NKAIN2: variants seen among roughly 807,000 people sequenced by gnomAD.
The protein encoded by NKAIN2 is sodium/potassium transporting ATPase interacting 2.
A neutral mutation model predicts 32.6 loss-of-function variants in NKAIN2; 14 were observed. That is an observed-to-expected ratio of 0.43 (90% CI 0.28 to 0.67). NKAIN2 has a LOEUF of 0.67. Ranked by LOEUF, NKAIN2 falls within the 30% of genes least tolerant of loss-of-function variation. The pLI, the probability that NKAIN2 is intolerant of heterozygous loss-of-function variation, is 0.17. For synonymous variants in NKAIN2, 80 were observed against 87.2 expected, an observed-to-expected ratio of 0.92 and a Z score of 0.46; for missense variants, 198 against 258.3, an observed-to-expected ratio of 0.77 and a Z score of 1.60.
intron 4 of NKAIN2, among the ~76,000 whole-genome samples, chr6:124,728,826 A>C (rs1220858130): frequency 1.3e-5 from 2 of 151,376 alleles, no homozygotes; most frequent in Non-Finnish European, 2.9e-5. Flanking sequence ...CTAATAAAGA[A>C]AAAAAGAGAG....
intron 1 of NKAIN2, among the ~76,000 whole-genome samples, chr6:123,831,607 A>C (rs1774380587): frequency 1.3e-5 from 2 of 151,772 alleles, no homozygotes; most frequent in Non-Finnish European, 2.9e-5. Flanking sequence ...TCTGCTGTTA[A>C]ATATGCATGT....
intron 3 of NKAIN2, among the ~76,000 whole-genome samples, chr6:124,500,589 G>C (rs1301416588): frequency 6.6e-6 from 1 of 152,056 alleles, no homozygotes; most frequent in Non-Finnish European, 1.5e-5. Flanking sequence ...GGGAGGCAGA[G>C]TTTGATGTGA....
chr6:124,764,690 TTATC>T (rs1374549343), intron 4 of NKAIN2, among the ~76,000 whole-genome samples: 1 of 152,194 alleles, frequency 6.6e-6, no homozygotes, highest in Non-Finnish European at 1.5e-5. Context: ...ATTTCTGTAT[TTATC>T]ATATTTCTTT....
chr6:124,721,762 G>T (rs995716408), intron 4 of NKAIN2, among the ~76,000 whole-genome samples: 1 of 152,076 alleles, frequency 6.6e-6, no homozygotes, highest in African/African-American at 2.4e-5. Context: ...ACCCATTGGT[G>T]CCTCAATGTA....
chr6:124,051,560 G>C (rs1782400294), intron 1 of NKAIN2, among the ~76,000 whole-genome samples: 2 of 151,906 alleles, frequency 1.3e-5, no homozygotes, highest in South Asian at 4.2e-4. Context: ...ATCTCCTAAT[G>C]CTATCCCTCC....
intron 4 of NKAIN2, among the ~76,000 whole-genome samples, chr6:124,774,856 CAA>C (rs777636496): frequency 0.015 from 1,117 of 72,790 alleles, 14 homozygotes; most frequent in African/African-American, 0.044. Context: ...AACTTCATCT[CAA>C]AAAAAAAAAA....
At chr6:123,863,264 T>A (rs1298284403) in intron 1 of NKAIN2, among the ~76,000 whole-genome samples, 3 of 152,232 alleles carry the variant, frequency 2.0e-5, no homozygotes, top group African/African-American at 7.2e-5. Flanking sequence ...ATTTGGTAAA[T>A]GTAGAGTCTG....
At chr6:124,429,903 A>T (rs1217980985) in intron 3 of NKAIN2, among the ~76,000 whole-genome samples, 1 of 152,176 alleles carries the variant, frequency 6.6e-6, no homozygotes, top group Non-Finnish European at 1.5e-5. Context: ...GCTAGAAAGA[A>T]TTAGCATCGG....
At chr6:124,398,076 AC>A (rs1281410511) in intron 3 of NKAIN2, among the ~76,000 whole-genome samples, 1 of 151,424 alleles carries the variant, frequency 6.6e-6, no homozygotes, top group African/African-American at 2.4e-5. Context: ...ACACGGTGAA[AC>A]CCCATCTGTA....
intron 3 of NKAIN2, among the ~76,000 whole-genome samples, chr6:124,414,025 T>G (rs896551222): frequency 6.6e-6 from 1 of 152,024 alleles, no homozygotes; most frequent in Non-Finnish European, 1.5e-5. Flanking sequence ...TCGTTTGTTT[T>G]TTTTTTTAAT....
At chr6:124,644,747 T>C (rs564584047) in intron 3 of NKAIN2, among the ~76,000 whole-genome samples, 1 of 152,320 alleles carries the variant, frequency 6.6e-6, no homozygotes, top group South Asian at 2.1e-4. Flanking sequence ...TTGAGACTTG[T>C]GGTTTGTGTC....
At chr6:124,648,706 C>T (rs1784263877) in intron 3 of NKAIN2, among the ~76,000 whole-genome samples, 2 of 152,004 alleles carry the variant, frequency 1.3e-5, no homozygotes, top group African/African-American at 4.8e-5. Flanking sequence ...AAGTATTGGA[C>T]CATGTAGAAA....
chr6:124,397,472 T>C (rs1773431339), intron 3 of NKAIN2, among the ~76,000 whole-genome samples: 1 of 152,040 alleles, frequency 6.6e-6, no homozygotes, highest in African/African-American at 2.4e-5. Context: ...TTTTACCTCA[T>C]TTAATAATAG....
In NKAIN2 at chr6:124,823,316, C is replaced by A. The variant is rs1408986466; in HGVS notation, c.*87C>A. On this transcript the variant is annotated 3_prime_UTR_variant, in exon 7 of 7. Transcript: ENST00000368417. ...CCTGCATTTCATGAAGAGCAAGAAG[C>A]AACTGAGTTTAAATACATACACGTA... 3 of 915,744 alleles carry A rather than the reference C, an allele frequency of 3.3e-6. No homozygotes were observed. Among genetic ancestry groups the A allele is most frequent in the Admixed American group, 1.7e-5 (1 of 58,700 alleles). The allele number at this position is 915,744 out of a possible 1,614,324, so 56.7% of individuals were successfully genotyped here.
At chr6:124,620,244 C>T (rs1204642369) in intron 3 of NKAIN2, among the ~76,000 whole-genome samples, 1 of 152,112 alleles carries the variant, frequency 6.6e-6, no homozygotes, top group African/African-American at 2.4e-5. Context: ...TCAAATGATG[C>T]AGGCAAAATT....
intron 1 of NKAIN2, among the ~76,000 whole-genome samples, chr6:124,231,366 T>G: frequency 6.6e-6 from 1 of 152,236 alleles, no homozygotes; most frequent in East Asian, 1.9e-4. Context: ...ACTTTTGAGC[T>G]AATGCTGAAA....
Position 124,320,927 on chromosome 6 carries a change from G to C in NKAIN2, c.193-34340G>C, listed in dbSNP as rs555618160. On this transcript the variant is annotated intron_variant, in intron 2 of 6. Coordinates refer to ENST00000368417, the MANE Select transcript of NKAIN2 (RefSeq NM_001040214.3). ...AGGACATTAAAGGAAGCTTCAGCTA[G>C]GAATTACTTTAATCTGTAATTATCC... 2.0e-5 allele frequency among the ~76,000 whole-genome samples: 3 copies of C among 152,246 alleles called. No homozygotes were observed. In the South Asian group the frequency reaches 6.2e-4, roughly 32 times the overall value.
intron 1 of NKAIN2, among the ~76,000 whole-genome samples, chr6:124,002,196 A>C (rs1779905498): frequency 6.6e-6 from 1 of 152,020 alleles, no homozygotes; most frequent in African/African-American, 2.4e-5. Context: ...TCCTTCGGGC[A>C]CTCTCTGAGT....
At chr6:124,241,117 A>G (rs530758577) in intron 1 of NKAIN2, among the ~76,000 whole-genome samples, 53 of 152,318 alleles carry the variant, frequency 3.5e-4, no homozygotes, top group African/African-American at 1.2e-3. Flanking sequence ...CAGAGAGCCA[A>G]ATCATGAGAG....
Sources: allele counts gnomAD v4.1 joint callset (sites outside exome capture counted in the v4.1 genomes callset), GRCh38; gene constraint gnomAD v4.1.1; transcripts MANE v1.5; gene names NCBI Gene and HGNC (gene_info 2026-07-23, HGNC 2026-07-21).